Variants in CSMD1 observed in about 807,000 individuals in gnomAD.
CSMD1 encodes the protein CUB and sushi domain-containing protein 1.
Under a neutral mutation model 417.5 loss-of-function variants are expected in CSMD1, and 213 were observed. That is an observed-to-expected ratio of 0.51 (90% confidence interval 0.46 to 0.57). CSMD1 has a LOEUF of 0.57. CSMD1 is among the 20% of genes least tolerant of loss of function. CSMD1 has a pLI of 0.00. For missense variants in CSMD1, 6,923 were observed against 4,529.7 expected (o/e 1.53, Z -15.17); for synonymous variants, 2,862 against 1,736.8 (o/e 1.65, Z -16.11).
intron 1 of CSMD1, among the ~76,000 whole-genome samples, chr8:4,853,466 G>C (rs748440214): frequency 6.6e-6 from 1 of 152,208 alleles, no homozygotes. Context: ...TATTAAGCCT[G>C]CTAGTGCACA....
rs543884118 is a variant in CSMD1 at position 3,765,016 on chromosome 8, A to G, written c.819-10974T>C. Among the ~76,000 whole-genome samples the G allele has an allele frequency of 1.4e-3, 210 of 152,122 alleles. 1 individual carries two copies. Among genetic ancestry groups the G allele is most frequent in the Non-Finnish European group, 2.7e-3 (181 of 67,982 alleles). Reference sequence around the variant, plus strand: ...CACTTCGGCCTCCCAAAGTTCTGGGATTACAGGCATGACCCACCATTCCTG... The same window carrying G: ...CACTTCGGCCTCCCAAAGTTCTGGGGTTACAGGCATGACCCACCATTCCTG... On this transcript the variant is annotated intron_variant, in intron 5 of 69. Coordinates refer to ENST00000635120, the MANE Select transcript of CSMD1 (RefSeq NM_033225.6).
intron 6 of CSMD1, 115 bp downstream of exon 6, chr8:3,753,815 G>T (rs1030295217): frequency 3.1e-6 from 2 of 649,068 alleles, no homozygotes; most frequent in Non-Finnish European, 5.2e-6. Context: ...GTGAATAAAA[G>T]AATTAGAAAC....
intron 18 of CSMD1, among the ~76,000 whole-genome samples, chr8:3,372,181 T>C (rs942838064): frequency 6.6e-6 from 1 of 152,098 alleles, no homozygotes; most frequent in Non-Finnish European, 1.5e-5. Flanking sequence ...AAGTGGTCTA[T>C]AAATAAGGAC....
intron 3 of CSMD1, among the ~76,000 whole-genome samples, chr8:4,070,664 A>G (rs373245863): frequency 1.6e-4 from 24 of 152,116 alleles, no homozygotes; most frequent in Non-Finnish European, 2.4e-4. Flanking sequence ...GCCACCACCT[A>G]TAACACTCTC....
chr8:4,598,817 C>G (rs1800419791), intron 2 of CSMD1, among the ~76,000 whole-genome samples: 1 of 151,820 alleles, frequency 6.6e-6, no homozygotes, highest in Non-Finnish European at 1.5e-5. Context: ...TTAAATAGAA[C>G]AAATTGTATT....
intron 5 of CSMD1, among the ~76,000 whole-genome samples, chr8:3,775,294 A>C (rs1459086914): frequency 2.0e-5 from 3 of 152,250 alleles, no homozygotes. Context: ...ATAAGTGAAC[A>C]GAAGATGAAT....
chr8:3,162,336 T>A, intron 37 of CSMD1, 59 bp from the exon 38 acceptor site: 1 of 1,116,702 alleles, frequency 9.0e-7, no homozygotes, highest in Middle Eastern at 2.0e-4. Flanking sequence ...TCTTATCATT[T>A]GAATAACCAA....
At chr8:2,940,453 G>A (rs112522377) in intron 69 of CSMD1, among the ~76,000 whole-genome samples, 1 of 152,112 alleles carries the variant, frequency 6.6e-6, no homozygotes, top group Admixed American at 6.5e-5. Flanking sequence ...TTGTGATGAC[G>A]ACAGATTCCC....
At chr8:3,011,317 G>A (rs80060772) in intron 52 of CSMD1, among the ~76,000 whole-genome samples, 8,669 of 152,216 alleles carry the variant, frequency 0.057, 267 homozygotes, top group African/African-American at 0.081. Flanking sequence ...AAGACGGTAT[G>A]GCAAAGATGG....
chr8:4,316,758 C>A (rs533739420), intron 3 of CSMD1, among the ~76,000 whole-genome samples: 3 of 152,110 alleles, frequency 2.0e-5, no homozygotes, highest in Admixed American at 1.3e-4. Flanking sequence ...GGTCGAACGC[C>A]CCCAAAACCC....
intron 18 of CSMD1, among the ~76,000 whole-genome samples, chr8:3,371,142 C>T (rs976286372): frequency 3.9e-5 from 6 of 152,172 alleles, no homozygotes; most frequent in Non-Finnish European, 7.4e-5. Flanking sequence ...CTTAATTATG[C>T]CACTGGCTTT....
At chr8:4,180,275 T>G (rs959684883) in intron 3 of CSMD1, among the ~76,000 whole-genome samples, 4 of 151,876 alleles carry the variant, frequency 2.6e-5, no homozygotes, top group Non-Finnish European at 5.9e-5. Context: ...ATGTCCTTTG[T>G]AGGGATATGG....
intron 66 of CSMD1, 117 bp downstream of exon 66, chr8:2,950,997 T>C: frequency 2.9e-6 from 3 of 1,017,192 alleles, no homozygotes; most frequent in Non-Finnish European, 4.2e-6. Context: ...TTACAGTATA[T>C]ACAAAGCCAA....
Position 4,549,638 on chromosome 8 carries a change from C to T in CSMD1, c.302+87704G>A, listed in dbSNP as rs373921351. The stretch of plus-strand genomic sequence containing the variant: ...GCGCGGTGGCTCACACCGGTAATCC[C>T]AGCACCTTGGGAGGCTGAGGCAGGA... On this transcript the variant is annotated intron_variant, in intron 2 of 69. Transcript: ENST00000635120. Among the ~76,000 whole-genome samples the T allele has an allele frequency of 1.5e-3, 225 of 152,120 alleles. 1 individual carries two copies. The highest frequency in any genetic ancestry group is 5.3e-3 in the African/African-American group (220 of 41,494).
intron 2 of CSMD1, among the ~76,000 whole-genome samples, chr8:4,534,859 T>C (rs879481450): frequency 2.6e-5 from 4 of 152,196 alleles, no homozygotes; most frequent in Non-Finnish European, 5.9e-5. Flanking sequence ...GCCTCCCGGG[T>C]TCATGTCACT....
At chr8:2,959,407 C>G (rs1053529396) in intron 62 of CSMD1, among the ~76,000 whole-genome samples, 4 of 152,298 alleles carry the variant, frequency 2.6e-5, no homozygotes, top group African/African-American at 9.6e-5. Flanking sequence ...CCCACTTCCT[C>G]TCTATCAGGA....
chr8:4,017,164 G>A (rs1157439004), intron 4 of CSMD1, among the ~76,000 whole-genome samples: 1 of 152,150 alleles, frequency 6.6e-6, no homozygotes, highest in East Asian at 1.9e-4. Flanking sequence ...ATACACTTTT[G>A]TGTATGTTGA....
intron 1 of CSMD1, among the ~76,000 whole-genome samples, chr8:4,802,859 G>C (rs76786307): frequency 0.066 from 10,112 of 152,256 alleles, 552 homozygotes; most frequent in East Asian, 0.23. Context: ...TATGTCCTTA[G>C]AGATGCAAAT....
At chr8:4,694,198 G>A (rs1337777417) in intron 1 of CSMD1, among the ~76,000 whole-genome samples, 1 of 152,142 alleles carries the variant, frequency 6.6e-6, no homozygotes, top group Admixed American at 6.5e-5. Context: ...TGAAATAAAT[G>A]CGTATCTGAT....
Sources: gnomAD v4.1 joint callset for allele counts (sites outside exome capture counted in the v4.1 genomes callset) on GRCh38, gnomAD v4.1.1 for gene constraint, MANE v1.5 for transcripts, NCBI Gene and HGNC (gene_info 2026-07-23, HGNC 2026-07-21) for gene names.